The following TBX5 variants were observed in gnomAD, a reference collection of about 807,000 sequenced individuals.
TBX5 encodes the protein T-box transcription factor 5.
In TBX5, 8 loss-of-function variants were observed where a neutral mutation model predicts 51.1. The ratio of observed to expected loss-of-function variants is 0.16; its 90% CI spans 0.09 to 0.28. The LOEUF (loss-of-function observed/expected upper bound fraction) is 0.28, where lower values mean the gene tolerates loss of function less well. Ranked by LOEUF, TBX5 falls within the 10% of genes least tolerant of loss-of-function variation. The pLI is 1.00. For synonymous variants in TBX5, 302 were observed against 266.4 expected, an observed-to-expected ratio of 1.13 and a Z score of -1.30; for missense variants, 589 against 671.7, an observed-to-expected ratio of 0.88 and a Z score of 1.36.
In TBX5 at chr12:114,355,647, G is replaced by T. The variant is rs772556634; in HGVS notation, c.1442C>A (p.Thr481Asn). Reference sequence around the variant, plus strand: ...GTAGAGGAACTCAGGGGGCTGAAGGGTGCCAGGGGACTGCAGGCCAGTCTG... The same window carrying T: ...GTAGAGGAACTCAGGGGGCTGAAGGTTGCCAGGGGACTGCAGGCCAGTCTG... ...GPQTGLQSPG[T>N]LQPPEFLYSH... is the part of the protein sequence containing the mutation. The change falls in exon 9 of 9, where the codon ACC becomes AAC. Residue 481 changes from threonine (T) to asparagine (N), a missense_variant. Physicochemically the swap from Thr to Asn is moderately conservative, Grantham distance 65 (BLOSUM62 0). This residue lies in a region of TBX5 where 348 missense variants were observed against 360.4 expected (regional missense o/e 0.97). Coordinates refer to ENST00000405440, the MANE Select transcript of TBX5 (RefSeq NM_181486.4). The T allele has an allele frequency of 1.2e-6, 2 of 1,614,096 alleles. No individual in the cohort carries two copies. The highest frequency in any genetic ancestry group is 1.7e-5 in the Admixed American group (1 of 60,014).
intron 5 of TBX5, among the ~76,000 whole-genome samples, chr12:114,396,279 G>T (rs560158923): frequency 3.3e-5 from 5 of 151,876 alleles, no homozygotes; most frequent in Non-Finnish European, 7.4e-5. Context: ...CCGGGGCGGC[G>T]TGGCGACAGA....
At position 114,403,787 on chromosome 12, in the gene TBX5, A is replaced by G; in HGVS notation, c.112T>C (p.Ser38Pro). ...PESALGAPSK[S>P]PSSPQAAFTQ... ...AAGGCGGCCTGCGGGGACGACGGGG[A>G]CTTGCTGGGGGCCCCGAGCGCGCTC... The change falls in exon 2 of 9, where the codon TCC (serine) becomes CCC (proline). Residue 38 changes from serine (S) to proline (P), a missense_variant. Ser to Pro is a moderately conservative substitution (Grantham distance 74). Coordinates refer to ENST00000405440, the MANE Select transcript of TBX5 (RefSeq NM_181486.4). The G allele has an allele frequency of 6.2e-7, 1 of 1,613,844 alleles. No individual in the cohort carries two copies. The highest frequency in any genetic ancestry group is 8.5e-7 in the Non-Finnish European group (1 of 1,179,976).
chr12:114,362,770 T>A (rs1332508048), intron 8 of TBX5, among the ~76,000 whole-genome samples: 3 of 152,150 alleles, frequency 2.0e-5, no homozygotes, highest in Non-Finnish European at 4.4e-5. Flanking sequence ...GCTCAAGCAA[T>A]CCTCCCATCT....
intron 7 of TBX5, among the ~76,000 whole-genome samples, chr12:114,384,353 G>A (rs538285666): frequency 6.6e-6 from 1 of 152,024 alleles, no homozygotes; most frequent in Admixed American, 6.5e-5. Flanking sequence ...ATAGCTCACT[G>A]CAGCCTCAAA....
intron 6 of TBX5, among the ~76,000 whole-genome samples, chr12:114,390,778 G>A (rs1359812054): frequency 2.0e-5 from 3 of 152,216 alleles, no homozygotes; most frequent in East Asian, 1.9e-4. Context: ...AAATGCCCAC[G>A]TGACCTTTTT....
chr12:114,380,655 T>C (rs1395877627), intron 7 of TBX5, among the ~76,000 whole-genome samples: 1 of 138,012 alleles, frequency 7.2e-6, no homozygotes, highest in Non-Finnish European at 1.6e-5. Context: ...CTGGGCAACA[T>C]AGTGAGATTC....
chr12:114,399,764 C>T, intron 3 of TBX5, 132 bp from the exon 4 acceptor site: 1 of 1,419,682 alleles, frequency 7.0e-7, no homozygotes, highest in Non-Finnish European at 9.8e-7. Flanking sequence ...CCGTTCCGCT[C>T]TCCGCAAGAT....
intron 5 of TBX5, among the ~76,000 whole-genome samples, chr12:114,396,268 A>C (rs1871422581): frequency 6.6e-6 from 1 of 150,772 alleles, no homozygotes; most frequent in Non-Finnish European, 1.5e-5. Flanking sequence ...AGCGACGCCG[A>C]CCGGGGCGGC....
chr12:114,394,615 C>T lies in TBX5; in HGVS notation c.663+126G>A, dbSNP rs1335009412. 4 of 1,296,752 alleles carry T rather than the reference C, an allele frequency of 3.1e-6. No homozygotes were observed. The African/African-American group carries it at 4.3e-5, about 14-fold the overall frequency. 80.3% of individuals were successfully genotyped at this position (1,296,752 alleles called of 1,614,324 possible). On this transcript the variant is annotated intron_variant, in intron 6 of 8. Coordinates refer to ENST00000405440, the MANE Select transcript of TBX5 (RefSeq NM_181486.4). Reference sequence around the variant, plus strand: ...CTGCAGCTTTGTCCCCACCCCAGCACCCTGGGGTCGAAGTTGGTGACTGCT... The same window carrying T: ...CTGCAGCTTTGTCCCCACCCCAGCATCCTGGGGTCGAAGTTGGTGACTGCT...
intron 7 of TBX5, among the ~76,000 whole-genome samples, chr12:114,382,844 T>C (rs1456157081): frequency 6.6e-6 from 1 of 151,792 alleles, no homozygotes; most frequent in Non-Finnish European, 1.5e-5. Flanking sequence ...TAGTTGGGTA[T>C]GGCAGTGCAT....
At chr12:114,392,478 C>T (rs997858493) in intron 6 of TBX5, among the ~76,000 whole-genome samples, 1 of 152,168 alleles carries the variant, frequency 6.6e-6, no homozygotes, top group Non-Finnish European at 1.5e-5. Context: ...CATCTATCCA[C>T]ACCTGATGAG....
At chr12:114,406,228 C>G (rs1436387618), upstream of TBX5, 2 of 151,582 alleles carry the variant, frequency 1.3e-5, no homozygotes, top group Admixed American at 1.4e-4. Context: ...CCTCCCTTCC[C>G]CCCACCCCAA....
At chr12:114,401,803 C>G in intron 3 of TBX5, 23 bp downstream of exon 3, 1 of 1,612,036 alleles carries the variant, frequency 6.2e-7, no homozygotes, top group Non-Finnish European at 8.5e-7. Context: ...TCGTCCCTCT[C>G]TCTACACAAC....
At chr12:114,370,293 A>AAAAC (rs56413410) in intron 7 of TBX5, among the ~76,000 whole-genome samples, 5,046 of 128,756 alleles carry the variant, frequency 0.039, 392 homozygotes, top group Middle Eastern at 0.055. Context: ...GAAAAGAAAG[A>AAAAC]AAAGAAAAGA....
chr12:114,408,296 TAA>T, upstream of TBX5: 3 of 840,820 alleles, frequency 3.6e-6, no homozygotes, highest in South Asian at 1.6e-4. Flanking sequence ...GTGATGAACA[TAA>T]GACACAAATA....
intron 7 of TBX5, among the ~76,000 whole-genome samples, chr12:114,383,536 G>A (rs149265317): frequency 2.2e-4 from 34 of 152,258 alleles, no homozygotes; most frequent in African/African-American, 7.2e-4. Context: ...GTTCTCCACT[G>A]CAAAGAGAAC....
upstream of TBX5, among the ~76,000 whole-genome samples, chr12:114,406,831 C>G (rs540109313): frequency 1.9e-4 from 29 of 151,758 alleles, no homozygotes; most frequent in Middle Eastern, 3.4e-3. Flanking sequence ...TCTCCTTGCC[C>G]TTTCCCTCTC....
At chr12:114,391,508 C>T (rs1483314819) in intron 6 of TBX5, among the ~76,000 whole-genome samples, 1 of 152,192 alleles carries the variant, frequency 6.6e-6, no homozygotes, top group Non-Finnish European at 1.5e-5. Flanking sequence ...TCCCACATGA[C>T]ACACTTGCCG....
chr12:114,383,333 T>C (rs1301671429), intron 7 of TBX5, among the ~76,000 whole-genome samples: 2 of 152,026 alleles, frequency 1.3e-5, no homozygotes, highest in African/African-American at 2.4e-5. Flanking sequence ...ACAGACGAAA[T>C]GTGTGTTCGA....
Sources: allele counts gnomAD v4.1 joint callset (sites outside exome capture counted in the v4.1 genomes callset), GRCh38; gene constraint gnomAD v4.1.1; regional missense constraint gnomAD v4.1.1; transcripts MANE v1.5; gene names NCBI Gene and HGNC (gene_info 2026-07-23, HGNC 2026-07-21).